DLGAP1: variants seen among roughly 807,000 people sequenced by gnomAD.
DLGAP1 encodes disks large-associated protein 1.
Under a neutral mutation model 90.8 loss-of-function variants are expected in DLGAP1, and 11 were observed. That is an observed-to-expected ratio of 0.12 (90% CI 0.08 to 0.20). DLGAP1 has a LOEUF of 0.20. DLGAP1 is among the 10% of genes least tolerant of loss of function. The pLI, the probability that DLGAP1 is intolerant of heterozygous loss-of-function variation, is 1.00. For synonymous variants in DLGAP1, 558 were observed against 540.7 expected (o/e 1.03, Z -0.44); for missense variants, 1,050 against 1,333.8 (o/e 0.79, Z 3.31).
chr18:4,276,236 T>C (rs1036321252), intron 1 of DLGAP1, among the ~76,000 whole-genome samples: 3 of 151,774 alleles, frequency 2.0e-5, no homozygotes, highest in Admixed American at 6.6e-5. Flanking sequence ...ATCATAATTA[T>C]GTTTTGATGA....
intron 4 of DLGAP1, among the ~76,000 whole-genome samples, chr18:3,821,268 G>A (rs756290684): frequency 4.1e-4 from 49 of 118,112 alleles, no homozygotes; most frequent in Non-Finnish European, 7.7e-4. Flanking sequence ...CCAGCTGGCC[G>A]ACAGAGTGAG....
At chr18:3,929,558 C>T (rs2072469929) in intron 3 of DLGAP1, among the ~76,000 whole-genome samples, 1 of 152,184 alleles carries the variant, frequency 6.6e-6, no homozygotes, top group South Asian at 2.1e-4. Flanking sequence ...CAGCAGGCAA[C>T]AGGAAGCCTT....
At chr18:3,633,239 T>A (rs1295338771) in intron 7 of DLGAP1, among the ~76,000 whole-genome samples, 1 of 151,756 alleles carries the variant, frequency 6.6e-6, no homozygotes, top group Admixed American at 6.6e-5. Context: ...CTACTAAAAA[T>A]ACAAAAGAAA....
At chr18:4,415,058 C>CATAT (rs4057923) in intron 1 of DLGAP1, among the ~76,000 whole-genome samples, 46 of 150,690 alleles carry the variant, frequency 3.1e-4, no homozygotes, top group African/African-American at 1.0e-3. Context: ...CACACATACA[C>CATAT]ATATATATAT....
chr18:3,678,158 C>T (rs1423820643), intron 7 of DLGAP1, among the ~76,000 whole-genome samples: 1 of 151,604 alleles, frequency 6.6e-6, no homozygotes, highest in East Asian at 1.9e-4. Context: ...GACAGGGTTT[C>T]ACCATGTTGG....
At chr18:4,234,174 A>C (rs1056345985) in intron 1 of DLGAP1, among the ~76,000 whole-genome samples, 2 of 151,272 alleles carry the variant, frequency 1.3e-5, no homozygotes, top group Non-Finnish European at 2.9e-5. Context: ...CCTAATGATT[A>C]CTAATAATGG....
chr18:4,198,074 T>G (rs1029266574), intron 1 of DLGAP1, among the ~76,000 whole-genome samples: 2 of 151,478 alleles, frequency 1.3e-5, no homozygotes, highest in African/African-American at 4.9e-5. Context: ...ATACAAAAAA[T>G]CAGCCGGGGC....
intron 2 of DLGAP1, among the ~76,000 whole-genome samples, chr18:4,118,148 C>A (rs2076092584): frequency 1.3e-5 from 2 of 152,158 alleles, no homozygotes. Flanking sequence ...TGCTCTCCAA[C>A]AAGATGCTCA....
chr18:4,417,571 CACTT>C (rs1489584361), intron 1 of DLGAP1, among the ~76,000 whole-genome samples: 2 of 152,072 alleles, frequency 1.3e-5, no homozygotes, highest in African/African-American at 4.8e-5. Flanking sequence ...ATCTTTCTCT[CACTT>C]ACAATGAAAA....
chr18:3,624,396 C>A (rs761518328), intron 7 of DLGAP1, among the ~76,000 whole-genome samples: 1 of 152,202 alleles, frequency 6.6e-6, no homozygotes, highest in African/African-American at 2.4e-5. Context: ...TCTTCCAGCT[C>A]AACACTGATG....
rs146904652 is a variant in DLGAP1, at chr18:4,184,000, T to C, written c.-266-32713A>G. Among the ~76,000 whole-genome samples, 4 of 152,300 alleles carry C rather than the reference T, an allele frequency of 2.6e-5. No individual in the cohort carries two copies. The East Asian group carries it at 7.7e-4, about 29-fold the overall frequency. ...CCACGCAGGAAAGTTAATAATATTC[T>C]ACAAGCAGTCTATTTTTAGATTAAT... On this transcript the variant is annotated intron_variant, in intron 1 of 12. Transcript: ENST00000315677.
chr18:4,052,272 T>G (rs2075145610), intron 2 of DLGAP1, among the ~76,000 whole-genome samples: 2 of 152,212 alleles, frequency 1.3e-5, no homozygotes, highest in African/African-American at 4.8e-5. Flanking sequence ...CTGAGGGATC[T>G]GCCCCTGCAG....
At chr18:4,306,462 T>A (rs62088070) in intron 1 of DLGAP1, among the ~76,000 whole-genome samples, 13,327 of 51,682 alleles carry the variant, frequency 0.26, 1,070 homozygotes, top group African/African-American at 0.45. Flanking sequence ...TGTGTGTGTG[T>A]GAGAGAGAGA....
Position 3,763,815 on chromosome 18 carries a change from C to T in DLGAP1, c.1173-21303G>A, listed in dbSNP as rs1361411665. ...TAGCTCGGATTACAGGCATGCACCA[C>T]CATGCCTGGCTAATTTTTTTATATT... On this transcript the variant is annotated intron_variant, in intron 5 of 12. Coordinates refer to ENST00000315677, the MANE Select transcript of DLGAP1 (RefSeq NM_004746.4). 4.6e-5 allele frequency among the ~76,000 whole-genome samples: 7 copies of T among 152,086 alleles called. No homozygotes were observed. The South Asian group carries it at 1.5e-3, about 32-fold the overall frequency.
intron 2 of DLGAP1, among the ~76,000 whole-genome samples, chr18:4,110,983 T>G (rs1422182731): frequency 2.6e-5 from 4 of 152,148 alleles, no homozygotes; most frequent in African/African-American, 9.7e-5. Flanking sequence ...TCCTCCCAAA[T>G]GCAAATGAAG....
chr18:3,712,481 A>G (rs971077882), intron 7 of DLGAP1, among the ~76,000 whole-genome samples: 34 of 152,328 alleles, frequency 2.2e-4, no homozygotes, highest in Admixed American at 1.2e-3. Context: ...TAACTCCCAC[A>G]AGGCACTCCT....
At chr18:3,742,184 A>T in intron 6 of DLGAP1, 151 bp downstream of exon 6, 1 of 991,842 alleles carries the variant, frequency 1.0e-6, no homozygotes. Flanking sequence ...AACCCATGGC[A>T]TGCTCTTTGC....
At chr18:4,097,498 C>G (rs977784303) in intron 2 of DLGAP1, among the ~76,000 whole-genome samples, 4 of 152,182 alleles carry the variant, frequency 2.6e-5, no homozygotes, top group Non-Finnish European at 5.9e-5. Context: ...ATGTAGTCAT[C>G]CTCCATTTTT....
At chr18:4,259,200 G>T (rs1381573400) in intron 1 of DLGAP1, among the ~76,000 whole-genome samples, 2 of 152,192 alleles carry the variant, frequency 1.3e-5, no homozygotes, top group Non-Finnish European at 2.9e-5. Context: ...GGTTAGGTCA[G>T]ATCTAGAGAC....
Sources: gnomAD v4.1 joint callset for allele counts (sites outside exome capture counted in the v4.1 genomes callset) on GRCh38, gnomAD v4.1.1 for gene constraint, MANE v1.5 for transcripts, NCBI Gene and HGNC (gene_info 2026-07-23, HGNC 2026-07-21) for gene names.